The following PTPRN2 variants were observed in gnomAD, a reference collection of about 807,000 sequenced individuals.
The protein encoded by PTPRN2 is receptor-type tyrosine-protein phosphatase N2.
In PTPRN2, 74 loss-of-function variants were observed where a neutral mutation model predicts 118.8. The ratio of observed to expected loss-of-function variants is 0.62; its 90% CI spans 0.52 to 0.76. The LOEUF is 0.76. Among genes scored for constraint, PTPRN2 ranks in the 30% least tolerant of loss-of-function variants. The probability of loss-of-function intolerance (pLI) is 0.00; values close to 1 mark genes in which losing one functional copy is unlikely to be tolerated. For missense variants in PTPRN2, 1,481 were observed against 1,394.4 expected, an observed-to-expected ratio of 1.06 and a Z score of -0.99; for synonymous variants, 641 against 608.0, an observed-to-expected ratio of 1.05 and a Z score of -0.80.
intron 10 of PTPRN2, among the ~76,000 whole-genome samples, chr7:158,104,934 A>G (rs1301297267): frequency 7.4e-6 from 1 of 134,604 alleles, no homozygotes; most frequent in Non-Finnish European, 1.6e-5. Flanking sequence ...AGCTCCATCA[A>G]ACTCCATCCC....
intron 2 of PTPRN2, among the ~76,000 whole-genome samples, chr7:158,362,885 C>T (rs540580173): frequency 6.6e-6 from 1 of 152,280 alleles, no homozygotes; most frequent in African/African-American, 2.4e-5. Context: ...GGCTCAGTCA[C>T]CGTCCCTCTG....
chr7:157,848,348 TATGTTTACAG>T (rs1377574202), intron 12 of PTPRN2, among the ~76,000 whole-genome samples: 2 of 148,748 alleles, frequency 1.3e-5, no homozygotes, highest in African/African-American at 5.0e-5. Context: ...ATGGGTGCAG[TATGTTTACAG>T]ATGTTTACAG....
At chr7:157,660,269 A>T (rs2150752644) in intron 13 of PTPRN2, among the ~76,000 whole-genome samples, 1 of 152,222 alleles carries the variant, frequency 6.6e-6, no homozygotes, top group South Asian at 2.1e-4. Context: ...ACTCACATAA[A>T]AATAAAAAAT....
intron 12 of PTPRN2, among the ~76,000 whole-genome samples, chr7:157,720,998 G>C (rs536659653): frequency 1.3e-5 from 2 of 152,084 alleles, no homozygotes; most frequent in South Asian, 4.1e-4. Flanking sequence ...TGGGGGCTCG[G>C]GGAGGTGTCA....
chr7:158,504,391 C>A (rs1041927108), intron 1 of PTPRN2, among the ~76,000 whole-genome samples: 1 of 152,190 alleles, frequency 6.6e-6, no homozygotes, highest in Non-Finnish European at 1.5e-5. Flanking sequence ...CGTTCCCCCC[C>A]CATGTGTCCA....
chr7:157,891,342 C>T (rs1020050543), intron 12 of PTPRN2, among the ~76,000 whole-genome samples: 5 of 152,216 alleles, frequency 3.3e-5, no homozygotes, highest in African/African-American at 1.2e-4. Flanking sequence ...TGGTTTCGAA[C>T]ACATCCGTCA....
chr7:158,154,757 A>G (rs1251535418), intron 6 of PTPRN2, among the ~76,000 whole-genome samples: 1 of 90,048 alleles, frequency 1.1e-5, no homozygotes, highest in South Asian at 3.5e-4. Context: ...TTTAAAAAAA[A>G]TCATAAGTAT....
chr7:157,585,303 A>G lies in PTPRN2; in HGVS notation c.2497-7163T>C, dbSNP rs1408396855. On this transcript the variant is annotated intron_variant, in intron 17 of 22. Transcript: ENST00000389418. The surrounding 1 kb of genome is among the most constrained non-coding windows in gnomAD (Gnocchi z 5.2). ...CAGGAGGAAGGGGAAGCCTCAGAAC[A>G]CCAGCAGTATTGCTGCCCAGGAGGA... Among the ~76,000 whole-genome samples the G allele has an allele frequency of 6.6e-6, 1 of 151,980 alleles. No individual in the cohort carries two copies. The highest frequency in any genetic ancestry group is 1.5e-5 in the Non-Finnish European group (1 of 67,990).
chr7:158,189,570 G>A (rs1209626205), intron 5 of PTPRN2, among the ~76,000 whole-genome samples: 1 of 152,188 alleles, frequency 6.6e-6, no homozygotes, highest in Non-Finnish European at 1.5e-5. Flanking sequence ...AAGTCAGGGG[G>A]GAAAGACAGG....
chr7:158,541,564 T>C (rs1318929192), intron 1 of PTPRN2: 1 of 1,352,144 alleles, frequency 7.4e-7, no homozygotes, highest in South Asian at 1.1e-5. Flanking sequence ...GTAGGAAAGC[T>C]GGCTTCGGTT....
Position 158,538,837 on chromosome 7 carries a change from G to A in PTPRN2, c.112+48721C>T, listed in dbSNP as rs556681872. On this transcript the variant is annotated intron_variant, in intron 1 of 22. Transcript: ENST00000389418. Reference sequence around the variant, plus strand: ...CCTCGTAACCCCAACAACAGGCCCCGGAGCTCAGCTTTTTATTCCCACTTC... The same window carrying A: ...CCTCGTAACCCCAACAACAGGCCCCAGAGCTCAGCTTTTTATTCCCACTTC... Among the ~76,000 whole-genome samples the A allele has an allele frequency of 3.9e-5, 6 of 152,230 alleles. No homozygotes were observed. In the East Asian group the frequency reaches 5.8e-4, roughly 15 times the overall value.
At chr7:157,818,255 A>G (rs1031387072) in intron 12 of PTPRN2, among the ~76,000 whole-genome samples, 1 of 151,802 alleles carries the variant, frequency 6.6e-6, no homozygotes, top group Non-Finnish European at 1.5e-5. Context: ...TGTGTGGTGT[A>G]TGGTATGTGT....
At chr7:157,896,805 G>A (rs12698111) in intron 12 of PTPRN2, among the ~76,000 whole-genome samples, 70,897 of 152,112 alleles carry the variant, frequency 0.47, 17,457 homozygotes, top group South Asian at 0.58. Context: ...GGCTCCACCT[G>A]TCACCATGTC....
intron 6 of PTPRN2, among the ~76,000 whole-genome samples, chr7:158,146,112 A>C (rs2150492118): frequency 6.6e-6 from 1 of 152,262 alleles, no homozygotes; most frequent in African/African-American, 2.4e-5. Context: ...CTCCATGAGA[A>C]GCTCTCGCCA....
chr7:158,573,072 T>C (rs1273955057), intron 1 of PTPRN2, among the ~76,000 whole-genome samples: 1 of 152,270 alleles, frequency 6.6e-6, no homozygotes, highest in Non-Finnish European at 1.5e-5. Context: ...GCATGATGAA[T>C]GGACAAGAGT....
intron 2 of PTPRN2, among the ~76,000 whole-genome samples, chr7:158,324,151 TCA>T (rs576257765): frequency 6.6e-6 from 1 of 151,750 alleles, no homozygotes; most frequent in Non-Finnish European, 1.5e-5. Flanking sequence ...ACGCGTACGC[TCA>T]CACACAGTCT....
intron 2 of PTPRN2, among the ~76,000 whole-genome samples, chr7:158,483,013 C>G (rs2129445007): frequency 6.6e-6 from 1 of 152,334 alleles, no homozygotes; most frequent in African/African-American, 2.4e-5. Flanking sequence ...TCCGAAGACA[C>G]AGAAGCAGCT....
intron 14 of PTPRN2, among the ~76,000 whole-genome samples, chr7:157,625,261 C>T (rs1313418729): frequency 2.0e-5 from 3 of 152,116 alleles, no homozygotes; most frequent in Non-Finnish European, 4.4e-5. Context: ...TGTCATTATA[C>T]GAAAAATATA....
At chr7:158,258,300 C>T (rs965080977) in intron 3 of PTPRN2, among the ~76,000 whole-genome samples, 6 of 152,262 alleles carry the variant, frequency 3.9e-5, no homozygotes, top group African/African-American at 9.6e-5. Flanking sequence ...GGCATCTCCA[C>T]GTGCAGCCCC....
Sources: gnomAD v4.1 joint callset for allele counts (sites outside exome capture counted in the v4.1 genomes callset) on GRCh38, gnomAD v4.1.1 for gene constraint, Gnocchi (gnomAD v3.1) non-coding constraint, MANE v1.5 for transcripts, NCBI Gene and HGNC (gene_info 2026-07-23, HGNC 2026-07-21) for gene names.